SLC13A2: variants seen among roughly 807,000 people sequenced by gnomAD.
SLC13A2 encodes Na(+)-coupled citrate transporter.
A neutral mutation model predicts 58.5 loss-of-function variants in SLC13A2; 40 were observed. The ratio of observed to expected loss-of-function variants is 0.68; its 90% CI spans 0.53 to 0.89. The LOEUF (loss-of-function observed/expected upper bound fraction) is 0.89. Ranked by LOEUF, SLC13A2 falls within the 40% of genes least tolerant of loss-of-function variation. The pLI is 0.00. For missense variants in SLC13A2, 694 were observed against 772.6 expected (o/e 0.90, Z 1.21); for synonymous variants, 341 against 331.6 (o/e 1.03, Z -0.31).
At chr17:28,477,199 T>C (rs1284975400) in intron 1 of SLC13A2, among the ~76,000 whole-genome samples, 1 of 144,162 alleles carries the variant, frequency 6.9e-6, no homozygotes, top group Non-Finnish European at 1.5e-5. Context: ...TTTTGTTTTT[T>C]TTTTTTTTTT....
chr17:28,490,559 GTCC>G lies in SLC13A2; in HGVS notation c.343_345del (p.Leu115del). The G allele has an allele frequency of 1.2e-6, 2 of 1,609,146 alleles. No homozygotes were observed. Among genetic ancestry groups the G allele is most frequent in the Admixed American group, 3.3e-5 (2 of 59,886 alleles). On this transcript the variant is annotated inframe_deletion, in exon 3 of 12. Transcript: ENST00000314669. ...CCTGCATAAACGCATCGCCCTCCGT[GTCC>G]TCCTCATCGTTGGGGTGCGGCCTGC...
chr17:28,495,672 G>A lies in SLC13A2; in HGVS notation c.1326G>A (p.Glu442=), dbSNP rs387907475. The change falls in exon 10 of 12, where the codon GAG becomes GAA. Residue 442 remains glutamate (E), a synonymous_variant. Coordinates refer to ENST00000314669, the MANE Select transcript of SLC13A2 (RefSeq NM_003984.4). The part of the protein sequence containing the change: ...AKGSERSGLS[E]WLGNKLTPLQ... ...GCCCACAGCGATCGGGCCTGTCAGAGTGGCTGGGAAACAAGCTGACCCCAC... is the reference window on the plus strand; with the variant it reads ...GCCCACAGCGATCGGGCCTGTCAGAATGGCTGGGAAACAAGCTGACCCCAC... 4 of 1,611,134 alleles carry A rather than the reference G, an allele frequency of 2.5e-6. No individual in the cohort carries two copies. The highest frequency in any genetic ancestry group is 1.1e-5 in the South Asian group (1 of 91,072).
intron 6 of SLC13A2, among the ~76,000 whole-genome samples, chr17:28,492,193 G>A (rs532777388): frequency 1.2e-4 from 18 of 152,308 alleles, no homozygotes; most frequent in African/African-American, 4.1e-4. Context: ...GTTAGTTACA[G>A]AAGCACCTGC....
At chr17:28,485,146 G>A (rs148523459) in intron 1 of SLC13A2, among the ~76,000 whole-genome samples, 109 of 152,312 alleles carry the variant, frequency 7.2e-4, no homozygotes, top group African/African-American at 2.5e-3. Context: ...GGAAGGAGGA[G>A]GCAGGGCCAG....
chr17:28,491,033 C>A, intron 4 of SLC13A2, 127 bp downstream of exon 4: 2 of 942,124 alleles, frequency 2.1e-6, no homozygotes, highest in Non-Finnish European at 3.1e-6. Flanking sequence ...GCAAGAAGGA[C>A]AGTGACCAAT....
intron 1 of SLC13A2, among the ~76,000 whole-genome samples, chr17:28,482,550 C>T (rs2068803347): frequency 1.3e-5 from 2 of 152,128 alleles, no homozygotes; most frequent in South Asian, 4.1e-4. Flanking sequence ...TTTTTTAAAC[C>T]GCGTGTGGTA....
intron 2 of SLC13A2, chr17:28,490,228 T>C (rs1223928340): frequency 2.2e-6 from 3 of 1,342,004 alleles, no homozygotes; most frequent in Non-Finnish European, 2.0e-6. Context: ...GAGCTGTGAT[T>C]GTGCCACTGC....
At chr17:28,476,357 C>G (rs2068670929) in intron 1 of SLC13A2, among the ~76,000 whole-genome samples, 1 of 151,978 alleles carries the variant, frequency 6.6e-6, no homozygotes. Flanking sequence ...TTGCTTGAGC[C>G]CAGGAGTTTG....
Position 28,494,335 on chromosome 17 carries a change from G to A in SLC13A2, c.1187-56G>A. 6.2e-7 allele frequency: 1 copy of A among 1,614,036 alleles called. No homozygotes were observed. The highest frequency in any genetic ancestry group is 1.1e-5 in the South Asian group (1 of 90,942). On this transcript the variant is annotated intron_variant, in intron 8 of 11. Transcript: ENST00000314669. This position sits in a 1 kb window ranked among gnomAD's most constrained non-coding sequence, Gnocchi z 4.0. ...CCCACACAGGGAGCCCGCAAATGGA[G>A]AGGGGAAAGGCCTGTTTGTTCTTTG...
rs1187410650 is a variant in SLC13A2, at chr17:28,474,893, CATAG to C, written c.102+1085_102+1088del. Among the ~76,000 whole-genome samples, 8 of 152,266 alleles carry C rather than the reference CATAG, an allele frequency of 5.3e-5. No individual in the cohort carries two copies. In the South Asian group the frequency reaches 1.0e-3, roughly 20 times the overall value. On this transcript the variant is annotated intron_variant, in intron 1 of 11. Transcript: ENST00000314669. ...CATCAAGCCATTTTCTTCCTTTTGTCATAGATAGAGAAATTGAGTCAGACTTTTT... is the reference window on the plus strand; with the variant it reads ...CATCAAGCCATTTTCTTCCTTTTGTCATAGAGAAATTGAGTCAGACTTTTT...
At chr17:28,474,020 C>T (rs782479415) in intron 1 of SLC13A2, among the ~76,000 whole-genome samples, 2 of 152,116 alleles carry the variant, frequency 1.3e-5, no homozygotes, top group Non-Finnish European at 2.9e-5. Context: ...AGGAGCCCAG[C>T]GTGAATTACT....
intron 1 of SLC13A2, among the ~76,000 whole-genome samples, chr17:28,477,434 T>C (rs1597868121): frequency 6.6e-6 from 1 of 151,924 alleles, no homozygotes; most frequent in South Asian, 2.1e-4. Context: ...GACCTCGTGA[T>C]CCGCCCGCCT....
rs1310120084 is a variant in SLC13A2 at position 28,496,696 on chromosome 17, G to C, written c.1608+109G>C. The C allele has an allele frequency of 6.9e-7, 1 of 1,443,970 alleles. No homozygotes were observed. The highest frequency in any genetic ancestry group is 1.4e-5 in the African/African-American group (1 of 70,430). 89.4% of individuals were successfully genotyped at this position (1,443,970 alleles called of 1,614,324 possible). ...CCACTGAGAGTCTCAGAGTTGAGCG[G>C]GTCCTCATCTGGAATGAAGGTGCAG... is the stretch of plus-strand genomic sequence containing the variant. On this transcript the variant is annotated intron_variant, in intron 11 of 11. Coordinates refer to ENST00000314669, the MANE Select transcript of SLC13A2 (RefSeq NM_003984.4). The surrounding 1 kb of genome is among the most constrained non-coding windows in gnomAD (Gnocchi z 4.2).
At chr17:28,476,750 A>AT (rs2068677919) in intron 1 of SLC13A2, among the ~76,000 whole-genome samples, 1 of 152,066 alleles carries the variant, frequency 6.6e-6, no homozygotes, top group Admixed American at 6.5e-5. Flanking sequence ...CTATTTGCTT[A>AT]TTTTTTACTT....
rs1430153076 is a variant in SLC13A2 at position 28,490,471 on chromosome 17, T to TA, written c.251dup (p.Asp85GlyfsTer23). 4.3e-6 allele frequency: 7 copies of TA among 1,613,882 alleles called. No individual in the cohort carries two copies. The highest frequency in any genetic ancestry group is 5.9e-6 in the Non-Finnish European group (7 of 1,180,018). On this transcript the variant is annotated frameshift_variant, in exon 3 of 12. Transcript: ENST00000314669. LOFTEE classifies it high-confidence loss of function. ...CCTGCCAGGTTGCCGTCGAGTATCTTAAGGACTCCAACCTCCTGTTCTTCG... is the reference window on the plus strand; with the variant it reads ...CCTGCCAGGTTGCCGTCGAGTATCTTAAAGGACTCCAACCTCCTGTTCTTCG...
rs1390950797 is a variant in SLC13A2, at chr17:28,490,518, C to T, written c.296C>T (p.Ala99Val). The T allele has an allele frequency of 3.7e-6, 6 of 1,613,998 alleles. No homozygotes were observed. The highest frequency in any genetic ancestry group is 2.2e-5 in the East Asian group (1 of 44,892). ...TTCGGGGGGCTGCTGGTGGCCATCGCGGTGGAACACTGGAACCTGCATAAA... is the reference window on the plus strand; with the variant it reads ...TTCGGGGGGCTGCTGGTGGCCATCGTGGTGGAACACTGGAACCTGCATAAA... ...LFFGGLLVAIAVEHWNLHKRI... is the reference protein window; with the variant it reads ...LFFGGLLVAIVVEHWNLHKRI... The change falls in exon 3 of 12, where the codon GCG becomes GTG. Residue 99 changes from alanine (A) to valine (V), a missense_variant. By Grantham distance (64) the Ala-to-Val change is moderately conservative. Transcript: ENST00000314669.
intron 1 of SLC13A2, chr17:28,487,557 G>A (rs1452681922): frequency 7.1e-6 from 7 of 985,430 alleles, no homozygotes; most frequent in East Asian, 1.1e-4. Context: ...CAGAGTGAGC[G>A]CAACCCCAGC....
Position 28,494,066 on chromosome 17 carries a change from A to G in SLC13A2, c.1147A>G (p.Ile383Val), listed in dbSNP as rs1471784029. ...VAIFIGIIMF[I>V]IPSKFPGLTQ... ...CATCTTCATCGGCATAATTATGTTC[A>G]TCATACCCTCCAAGTTCCCAGGGCT... Residue 383 changes from isoleucine to valine, a missense_variant, in exon 8 of 12, where the codon ATC becomes GTC. Transcript: ENST00000314669. This position sits in a 1 kb window ranked among gnomAD's most constrained non-coding sequence, Gnocchi z 4.0. The G allele has an allele frequency of 1.2e-6, 2 of 1,614,054 alleles. No individual in the cohort carries two copies. The highest frequency in any genetic ancestry group is 1.7e-6 in the Non-Finnish European group (2 of 1,180,002).
In SLC13A2 at chr17:28,490,870, C is replaced by T. The variant is rs781907363; in HGVS notation, c.538C>T (p.Gln180Ter). The T allele has an allele frequency of 3.1e-6, 5 of 1,613,890 alleles. No individual in the cohort carries two copies. In the Admixed American group the frequency reaches 5.0e-5, roughly 16 times the overall value. The change falls in exon 4 of 12, where the codon CAG becomes TAG. Residue 180 changes from glutamine (Q) to a stop codon, truncating the protein, a stop_gained. Transcript: ENST00000314669. LOFTEE classifies it high-confidence loss of function. ...CAGCAACAACCCCACCTTCGAGCTC[C>T]AGGAACCAAGTCCCCAGAAGGAGGT... ...EGSNNPTFEL[Q>*]EPSPQKEVTK...
Sources: allele counts gnomAD v4.1 joint callset (sites outside exome capture counted in the v4.1 genomes callset), GRCh38; gene constraint gnomAD v4.1.1; non-coding constraint Gnocchi (gnomAD v3.1); transcripts MANE v1.5; gene names NCBI Gene and HGNC (gene_info 2026-07-23, HGNC 2026-07-21).